IL16: variants seen among roughly 807,000 people sequenced by gnomAD.
IL16 encodes pro-interleukin-16.
Under a neutral mutation model 110.1 loss-of-function variants are expected in IL16, and 67 were observed. That is an observed-to-expected ratio of 0.61 (90% CI 0.50 to 0.75). The LOEUF is 0.75. Ranked by LOEUF, IL16 falls within the 30% of genes least tolerant of loss-of-function variation. The probability of loss-of-function intolerance (pLI) is 0.00; values close to 1 mark genes in which losing one functional copy is unlikely to be tolerated. For missense variants in IL16, 1,545 were observed against 1,655.0 expected, an observed-to-expected ratio of 0.93 and a Z score of 1.15; for synonymous variants, 689 against 662.9, an observed-to-expected ratio of 1.04 and a Z score of -0.61.
At chr15:81,304,221 T>C (rs3898677) in intron 16 of IL16, among the ~76,000 whole-genome samples, 38,944 of 152,192 alleles carry the variant, frequency 0.26, 6,045 homozygotes, top group African/African-American at 0.45. Context: ...CTGATAAGTT[T>C]TCTATCACAT....
intron 7 of IL16, among the ~76,000 whole-genome samples, chr15:81,279,284 C>A (rs1029523025): frequency 3.4e-4 from 51 of 151,798 alleles, no homozygotes; most frequent in African/African-American, 1.1e-3. Context: ...TCTATCTATT[C>A]ATCCATCTAT....
chr15:81,196,758 C>A (rs1895608690), upstream of IL16: 2 of 885,680 alleles, frequency 2.3e-6, no homozygotes, highest in Non-Finnish European at 1.4e-6. Context: ...GATGGTGGAC[C>A]TTGTTCTGAG....
At chr15:81,277,310 A>G (rs72630433) in intron 6 of IL16, among the ~76,000 whole-genome samples, 16,122 of 152,254 alleles carry the variant, frequency 0.11, 1,219 homozygotes, top group East Asian at 0.32. Flanking sequence ...GCAAAAAGAT[A>G]GTGGCTTATA....
At chr15:81,266,532 G>A (rs1394137209) in intron 4 of IL16, among the ~76,000 whole-genome samples, 1 of 152,130 alleles carries the variant, frequency 6.6e-6, no homozygotes, top group Non-Finnish European at 1.5e-5. Flanking sequence ...CCCTACACAC[G>A]TCCCACCAGC....
chr15:81,285,677 T>G (rs1567036843), intron 9 of IL16, 21 bp from the exon 10 acceptor site: 1 of 1,613,350 alleles, frequency 6.2e-7, no homozygotes, highest in Admixed American at 1.7e-5. Context: ...TACTGATGGC[T>G]TCTTATTGAT....
intron 4 of IL16, 47 bp downstream of exon 4, chr15:81,265,848 G>A (rs1040411598): frequency 6.4e-6 from 10 of 1,561,630 alleles, no homozygotes; most frequent in Non-Finnish European, 8.7e-6. Flanking sequence ...CTCCCGGGGA[G>A]AAGGGAGGGG....
At chr15:81,183,184 G>A (rs1348372228) in intron 1 of IL16, among the ~76,000 whole-genome samples, 1 of 152,214 alleles carries the variant, frequency 6.6e-6, no homozygotes, top group Non-Finnish European at 1.5e-5. Flanking sequence ...CCCCCACAGG[G>A]GAGGAGAGTG....
chr15:81,232,521 A>C (rs925096729), intron 2 of IL16, among the ~76,000 whole-genome samples: 4 of 152,140 alleles, frequency 2.6e-5, no homozygotes, highest in Admixed American at 1.3e-4. Flanking sequence ...CTCTGTTCAC[A>C]ATTGGCAGAG....
In IL16 at chr15:81,299,406, C is replaced by G; in HGVS notation, c.2080C>G (p.Pro694Ala). The G allele has an allele frequency of 4.3e-6, 7 of 1,613,802 alleles. No homozygotes were observed. Among genetic ancestry groups the G allele is most frequent in the Non-Finnish European group, 4.2e-6 (5 of 1,180,024 alleles). Residue 694 changes from proline (P) to alanine (A), a missense_variant, in exon 14 of 19, where the codon CCA becomes GCA. Pro to Ala is a conservative substitution (Grantham distance 27, BLOSUM62 -1). This residue lies in a region of IL16 where 1,185 missense variants were observed against 1,238.8 expected (regional missense o/e 0.96). Coordinates refer to ENST00000683961, the MANE Select transcript of IL16 (RefSeq NM_172217.5). ...GACCCAAACATCCCCGATAAAACAC[C>G]CACTGCTTAAGAGGCAGGCTCGGAT... The part of the protein sequence containing the change: ...PVTQTSPIKH[P>A]LLKRQARMDY...
In IL16 at chr15:81,292,693, T is replaced by A; in HGVS notation, c.1558T>A (p.Ser520Thr). The A allele has an allele frequency of 6.2e-7, 1 of 1,614,016 alleles. No homozygotes were observed. The highest frequency in any genetic ancestry group is 1.1e-5 in the South Asian group (1 of 91,074). ...SSSDSSYMSG[S>T]PGGSPGSGSA... is the part of the protein sequence containing the mutation. ...CAGTGACAGCAGCTACATGTCTGGG[T>A]CCCCAGGGGGAAGTCCTGGGAGTGG... Residue 520 changes from serine (S) to threonine (T), a missense_variant, in exon 12 of 19, where the codon TCC becomes ACC. By Grantham distance (58) the Ser-to-Thr change is moderately conservative. Transcript: ENST00000683961.
chr15:81,198,324 G>A (rs1388380464), intron 1 of IL16, among the ~76,000 whole-genome samples: 1 of 152,062 alleles, frequency 6.6e-6, no homozygotes, highest in African/African-American at 2.4e-5. Context: ...CCCAAACCGA[G>A]AGGTGAGGAG....
chr15:81,203,319 A>T (rs1895891840), intron 1 of IL16, among the ~76,000 whole-genome samples: 1 of 152,072 alleles, frequency 6.6e-6, no homozygotes, highest in South Asian at 2.1e-4. Context: ...GAAGCTCTTT[A>T]GTTTAATTAG....
intron 1 of IL16, among the ~76,000 whole-genome samples, chr15:81,213,483 G>C (rs897972786): frequency 6.6e-6 from 1 of 152,122 alleles, no homozygotes; most frequent in African/African-American, 2.4e-5. Context: ...ATTGTCAGTG[G>C]GGTGCTGATG....
intron 9 of IL16, among the ~76,000 whole-genome samples, chr15:81,285,167 T>C (rs76022251): frequency 4.6e-5 from 7 of 152,086 alleles, no homozygotes; most frequent in Admixed American, 3.9e-4. Flanking sequence ...TCCTTATTTC[T>C]TTTTGCAAGA....
chr15:81,211,369 A>C (rs1310570871), intron 1 of IL16, among the ~76,000 whole-genome samples: 1 of 151,800 alleles, frequency 6.6e-6, no homozygotes, highest in Non-Finnish European at 1.5e-5. Context: ...CTCCTGCCTC[A>C]GCCTCCCAAG....
At chr15:81,294,477 C>G (rs183448357) in intron 12 of IL16, among the ~76,000 whole-genome samples, 2 of 152,326 alleles carry the variant, frequency 1.3e-5, no homozygotes, top group Non-Finnish European at 2.9e-5. Context: ...CACATAGGGT[C>G]AGGGAATATT....
intron 8 of IL16, among the ~76,000 whole-genome samples, chr15:81,280,114 C>T (rs1007480311): frequency 6.6e-6 from 1 of 152,184 alleles, no homozygotes; most frequent in Non-Finnish European, 1.5e-5. Context: ...GGCAGGCCAC[C>T]TTCCCTTCCC....
intron 8 of IL16, 141 bp from the exon 9 acceptor site, chr15:81,282,498 C>T (rs1899225018): frequency 4.3e-6 from 3 of 692,496 alleles, no homozygotes. Flanking sequence ...GCGGTGCCTG[C>T]ACACAACGAC....
rs1189254803 is a variant in IL16 at position 81,304,639 on chromosome 15, T to C, written c.3420+989T>C. Among the ~76,000 whole-genome samples, 4 of 152,166 alleles carry C rather than the reference T, an allele frequency of 2.6e-5. No homozygotes were observed. The South Asian group carries it at 8.3e-4, about 32-fold the overall frequency. On this transcript the variant is annotated intron_variant, in intron 16 of 18. Coordinates refer to ENST00000683961, the MANE Select transcript of IL16 (RefSeq NM_172217.5). The stretch of plus-strand genomic sequence containing the variant: ...CCTACCCACACTTTGGATTGATAAA[T>C]TGGTGGCATTTATGCTTCTTTTATA...
Sources: gnomAD v4.1 joint callset for allele counts (sites outside exome capture counted in the v4.1 genomes callset) on GRCh38, gnomAD v4.1.1 for gene constraint, gnomAD v4.1.1 regional missense constraint, MANE v1.5 for transcripts, NCBI Gene and HGNC (gene_info 2026-07-23, HGNC 2026-07-21) for gene names.